LINGO2: variants seen among roughly 807,000 people sequenced by gnomAD.
LINGO2 encodes the protein leucine-rich repeat and immunoglobulin-like domain-containing nogo receptor-interacting protein 2.
A neutral mutation model predicts 30.6 loss-of-function variants in LINGO2; 14 were observed. That is an observed-to-expected ratio of 0.46 (90% CI 0.30 to 0.72). The LOEUF (loss-of-function observed/expected upper bound fraction) is 0.72. Ranked by LOEUF, LINGO2 falls within the 30% of genes least tolerant of loss-of-function variation. LINGO2 has a pLI of 0.07. For missense variants in LINGO2, 729 were observed against 751.7 expected, an observed-to-expected ratio of 0.97 and a Z score of 0.35; for synonymous variants, 317 against 288.5, an observed-to-expected ratio of 1.10 and a Z score of -1.00.
At chr9:28,617,604 T>A (rs1826197658) in intron 1 of LINGO2, among the ~76,000 whole-genome samples, 1 of 152,138 alleles carries the variant, frequency 6.6e-6, no homozygotes, top group Non-Finnish European at 1.5e-5. Flanking sequence ...CAATAACATT[T>A]CTAATTTATT....
intron 4 of LINGO2, among the ~76,000 whole-genome samples, chr9:28,277,934 A>T (rs1009989696): frequency 1.3e-5 from 2 of 152,210 alleles, no homozygotes; most frequent in Non-Finnish European, 2.9e-5. Flanking sequence ...GGGCCTCTTA[A>T]CCAAACAGTT....
intron 3 of LINGO2, among the ~76,000 whole-genome samples, chr9:28,323,655 A>T (rs1825125838): frequency 6.6e-6 from 1 of 152,284 alleles, no homozygotes; most frequent in South Asian, 2.1e-4. Context: ...TCTCAAAATA[A>T]GCTGTAAATA....
At chr9:28,350,658 C>G (rs1476238467) in intron 3 of LINGO2, among the ~76,000 whole-genome samples, 1 of 151,800 alleles carries the variant, frequency 6.6e-6, no homozygotes, top group Admixed American at 6.6e-5. Context: ...ACCTAATAGG[C>G]ATCTACAGAC....
At chr9:28,178,107 C>T (rs1828798692) in intron 4 of LINGO2, among the ~76,000 whole-genome samples, 1 of 152,138 alleles carries the variant, frequency 6.6e-6, no homozygotes, top group Non-Finnish European at 1.5e-5. Flanking sequence ...ATCACTTTAT[C>T]TCTGCCTTGC....
the LINGO2 span, among the ~76,000 whole-genome samples, chr9:29,206,692 A>G: frequency 3.3e-5 from 5 of 152,106 alleles, no homozygotes; most frequent in African/African-American, 1.2e-4. Flanking sequence ...ATCCTGAATG[A>G]GGTGATGCTC....
chr9:28,926,097 G>A, the LINGO2 span, among the ~76,000 whole-genome samples: 1 of 152,174 alleles, frequency 6.6e-6, no homozygotes, highest in Admixed American at 6.5e-5. Flanking sequence ...GGCGGATCAT[G>A]AGGTCAGGAG....
At chr9:27,997,926 A>T (rs1158177494) in intron 5 of LINGO2, among the ~76,000 whole-genome samples, 1 of 104,096 alleles carries the variant, frequency 9.6e-6, no homozygotes, top group African/African-American at 3.7e-5. Context: ...AATGGGTTTC[A>T]GGAAGGGGAT....
At chr9:28,598,731 T>G (rs187031058) in intron 1 of LINGO2, 5 of 152,040 alleles carry the variant, frequency 3.3e-5, no homozygotes, top group Non-Finnish European at 7.4e-5. Context: ...AATGCATAAT[T>G]AAATTCCTGG....
intron 3 of LINGO2, among the ~76,000 whole-genome samples, chr9:28,328,085 T>G (rs1825294218): frequency 1.3e-5 from 2 of 152,068 alleles, no homozygotes; most frequent in Non-Finnish European, 1.5e-5. Flanking sequence ...CAAGAAGAAT[T>G]GCAGTGGAGA....
chr9:27,988,865 T>C (rs957940967), intron 5 of LINGO2, among the ~76,000 whole-genome samples: 2 of 151,698 alleles, frequency 1.3e-5, no homozygotes, highest in Non-Finnish European at 2.9e-5. Context: ...ACCACCCTCA[T>C]CCAATTAATC....
At chr9:28,309,794 G>C (rs1056101418) in intron 3 of LINGO2, among the ~76,000 whole-genome samples, 14 of 151,552 alleles carry the variant, frequency 9.2e-5, no homozygotes, top group Admixed American at 8.6e-4. Flanking sequence ...AATACCTAAA[G>C]AACTCTCAAA....
chr9:28,384,434 A>G (rs1821492476), intron 2 of LINGO2, among the ~76,000 whole-genome samples: 2 of 150,166 alleles, frequency 1.3e-5, no homozygotes, highest in South Asian at 4.2e-4. Flanking sequence ...TTAACATTTT[A>G]TTGTAGTTAT....
At chr9:28,843,475 G>A in the LINGO2 span, among the ~76,000 whole-genome samples, 1 of 151,638 alleles carries the variant, frequency 6.6e-6, no homozygotes, top group African/African-American at 2.4e-5. Flanking sequence ...TAAGATAATG[G>A]CAAAGAGAAG....
intron 1 of LINGO2, among the ~76,000 whole-genome samples, chr9:28,622,138 C>A (rs1407102820): frequency 1.3e-5 from 2 of 152,022 alleles, no homozygotes; most frequent in African/African-American, 2.4e-5. Context: ...ATCCTCTCAA[C>A]TGTGTTACAA....
chr9:28,935,861 CAAA>C, the LINGO2 span, among the ~76,000 whole-genome samples: 1 of 151,854 alleles, frequency 6.6e-6, no homozygotes, highest in African/African-American at 2.4e-5. Context: ...AATACACATA[CAAA>C]AAAGCCATGT....
At chr9:28,151,655 G>C (rs933499106) in intron 4 of LINGO2, among the ~76,000 whole-genome samples, 2 of 151,624 alleles carry the variant, frequency 1.3e-5, no homozygotes, top group African/African-American at 2.4e-5. Context: ...AAGTTGATAG[G>C]ATTTTGTTAC....
At chr9:28,922,721 G>A in the LINGO2 span, among the ~76,000 whole-genome samples, 1 of 152,156 alleles carries the variant, frequency 6.6e-6, no homozygotes, top group Non-Finnish European at 1.5e-5. Context: ...TTAATTAAGT[G>A]TCACTACTTT....
chr9:28,554,071 T>C (rs960683400), intron 1 of LINGO2, among the ~76,000 whole-genome samples: 3 of 151,902 alleles, frequency 2.0e-5, no homozygotes, highest in African/African-American at 4.8e-5. Flanking sequence ...ACATCGAGAC[T>C]AGGAAGAAAC....
chr9:28,854,868 T>G, the LINGO2 span, among the ~76,000 whole-genome samples: 1 of 151,990 alleles, frequency 6.6e-6, no homozygotes, highest in Non-Finnish European at 1.5e-5. Flanking sequence ...GCCACATGCT[T>G]GAGTTAGTAA....
Sources: allele counts gnomAD v4.1 joint callset (sites outside exome capture counted in the v4.1 genomes callset), GRCh38; gene constraint gnomAD v4.1.1; transcripts MANE v1.5; gene names NCBI Gene and HGNC (gene_info 2026-07-23, HGNC 2026-07-21).